ZBTB33: variants seen among roughly 807,000 people sequenced by gnomAD.
ZBTB33 encodes transcriptional regulator Kaiso.
In ZBTB33, 11 loss-of-function variants were observed where a neutral mutation model predicts 25.9. The observed-to-expected ratio is 0.42, with a 90% CI of 0.27 to 0.70. ZBTB33 has a LOEUF of 0.70. ZBTB33 is among the 30% of genes least tolerant of loss of function. ZBTB33 has a pLI of 0.23. For missense variants in ZBTB33, 343 were observed against 501.1 expected (o/e 0.68, Z 3.01); for synonymous variants, 157 against 184.8 (o/e 0.85, Z 1.22).
At position 120,253,611 on chromosome X, in the gene ZBTB33, CA is replaced by C. The variant is rs1283287882; in HGVS notation, c.198del (p.Val67LeufsTer4). The C allele has an allele frequency of 8.3e-7, 1 of 1,210,701 alleles. No individual in the cohort carries two copies. Among genetic ancestry groups the C allele is most frequent in the Non-Finnish European group, 1.1e-6 (1 of 895,395 alleles). On this transcript the variant is annotated frameshift_variant, in exon 3 of 3. Transcript: ENST00000557385. LOFTEE classifies it high-confidence loss of function. ...CCATCAGCTCTTCTCTGTTGCTGGG[CA>C]AGTTGTTGAACTGAGCTTTATAAGA... ...YFHQLFSVAG[Q>X]VVELSFIRAE...
In ZBTB33 at chrX:120,253,973, C is replaced by T. The variant is rs201211344; in HGVS notation, c.558C>T (p.Thr186=). 9.6e-6 allele frequency: 11 copies of T among 1,150,906 alleles called. No individual in the cohort carries two copies. The East Asian group carries it at 1.2e-4, about 13-fold the overall frequency. The allele number at this position is 1,150,906 out of a possible 1,213,427, so 94.8% of individuals were successfully genotyped here. Residue 186 remains threonine, a synonymous_variant, in exon 3 of 3, where the codon ACC becomes ACT. Transcript: ENST00000557385. ...EDYEMKKIIV[T]DSDDDDDDVI... Reference sequence around the variant, plus strand: ...ATGAAATGAAAAAGATCATTGTTACCGATTCTGATGATGATGATGATGATG... The same window carrying T: ...ATGAAATGAAAAAGATCATTGTTACTGATTCTGATGATGATGATGATGATG...
chrX:120,254,140 A>G lies in ZBTB33; in HGVS notation c.725A>G (p.Asn242Ser), dbSNP rs2057619910. The change falls in exon 3 of 3, where the codon AAT becomes AGT. Residue 242 changes from asparagine to serine, a missense_variant. Around this residue, in one of 2 missense-constraint regions of ZBTB33, gnomAD observed 304 missense variants for 410.0 expected, o/e 0.74. Coordinates refer to ENST00000557385, the MANE Select transcript of ZBTB33 (RefSeq NM_001184742.2). ...SASNNSPPLT[N>S]ITPTQKLPTP... ...AGCAATAACTCGCCCCCTTTAACAA[A>G]TATCACACCTACTCAGAAACTTCCT... 1 of 1,211,576 alleles carries G rather than the reference A, an allele frequency of 8.3e-7. No homozygotes were observed. The highest frequency in any genetic ancestry group is 1.7e-5 in the African/African-American group (1 of 57,715).
At chrX:120,253,055 C>T (rs945114086) in intron 2 of ZBTB33, among the ~76,000 whole-genome samples, 1 of 112,122 alleles carries the variant, frequency 8.9e-6, no homozygotes, top group Admixed American at 9.4e-5. Context: ...AAAGTCAACT[C>T]TTACCTCTTC....
intron 1 of ZBTB33, among the ~76,000 whole-genome samples, chrX:120,252,409 C>G (rs1278403653): frequency 1.8e-5 from 2 of 110,498 alleles, no homozygotes; most frequent in Non-Finnish European, 3.8e-5. Flanking sequence ...CTGGAAATAT[C>G]TTCTGCAAAG....
In ZBTB33 at chrX:120,253,834, C is replaced by G. The variant is rs150895316; in HGVS notation, c.419C>G (p.Pro140Arg). The change falls in exon 3 of 3, where the codon CCT becomes CGT. Residue 140 changes from proline to arginine, a missense_variant. By Grantham distance (103) the Pro-to-Arg change is moderately radical. Around this residue, in one of 2 missense-constraint regions of ZBTB33, gnomAD observed 304 missense variants for 410.0 expected, o/e 0.74. Transcript: ENST00000557385. Reference protein sequence around the residue: ...AQDGNTEPLPPDSGDKNLVIQ... With the variant: ...AQDGNTEPLPRDSGDKNLVIQ... The stretch of plus-strand genomic sequence containing the variant: ...GATGGTAATACTGAGCCTTTACCTC[C>G]TGATTCTGGTGACAAGAACCTTGTA... The G allele has an allele frequency of 8.3e-7, 1 of 1,209,379 alleles. No homozygotes were observed. Among genetic ancestry groups the G allele is most frequent in the African/African-American group, 1.8e-5 (1 of 57,001 alleles).
At chrX:120,251,612 C>A (rs1257198021) in intron 1 of ZBTB33, among the ~76,000 whole-genome samples, 1 of 111,845 alleles carries the variant, frequency 8.9e-6, no homozygotes, top group Non-Finnish European at 1.9e-5. Context: ...TCAGCTGCCG[C>A]AGGGAGCCGC....
rs782129320 is a variant in ZBTB33, at chrX:120,253,988, T to G, written c.573T>G (p.Asp191Glu). ...KKIIVTDSDD[D>E]DDDVIFCSEI... ...TCATTGTTACCGATTCTGATGATGA[T>G]GATGATGATGTCATTTTTTGCTCCG... is the stretch of plus-strand genomic sequence containing the variant. The change falls in exon 3 of 3, where the codon GAT (aspartate) becomes GAG (glutamate). Residue 191 changes from aspartate (D) to glutamate (E), a missense_variant. By Grantham distance (45) the Asp-to-Glu change is conservative. Transcript: ENST00000557385. The G allele has an allele frequency of 8.3e-7, 1 of 1,208,961 alleles. No homozygotes were observed. Among genetic ancestry groups the G allele is most frequent in the South Asian group, 1.8e-5 (1 of 56,631 alleles).
rs782121762 is a variant in ZBTB33, at chrX:120,254,649, G to A, written c.1234G>A (p.Gly412Ser). 3.3e-6 allele frequency: 4 copies of A among 1,209,934 alleles called. No individual in the cohort carries two copies. The African/African-American group carries it at 5.3e-5, about 16-fold the overall frequency. The change falls in exon 3 of 3, where the codon GGT becomes AGT. Residue 412 changes from glycine to serine, a missense_variant. Physicochemically the swap from Gly to Ser is moderately conservative, Grantham distance 56. Transcript: ENST00000557385. ...CGTAGGATCAAAACATCTAATGGAG[G>A]GTCAGAAGATCATTACTTTAGATAC... ...PGVGSKHLME[G>S]QKIITLDTAT...
chrX:120,255,210 T>C lies in ZBTB33; in HGVS notation c.1795T>C (p.Tyr599His), dbSNP rs782275925. The change falls in exon 3 of 3, where the codon TAT becomes CAT. Residue 599 changes from tyrosine to histidine, a missense_variant. Tyr to His is a moderately conservative substitution (Grantham distance 83). Coordinates refer to ENST00000557385, the MANE Select transcript of ZBTB33 (RefSeq NM_001184742.2). ...CRSLQIRQYAYLSDRSSTIPA... is the reference protein window; with the variant it reads ...CRSLQIRQYAHLSDRSSTIPA... ...GTCTTTACAAATCAGACAATATGCA[T>C]ATCTTTCCGATAGATCAAGCACTAT... is the stretch of plus-strand genomic sequence containing the variant. 23 of 1,211,780 alleles carry C rather than the reference T, an allele frequency of 1.9e-5. No individual in the cohort carries two copies. In the South Asian group the frequency reaches 3.9e-4, roughly 20 times the overall value.
Position 120,253,473 on chromosome X carries a change from A to C in ZBTB33, c.58A>C (p.Asn20His). The change falls in exon 3 of 3, where the codon AAC (asparagine) becomes CAC (histidine). Residue 20 changes from asparagine (N) to histidine (H), a missense_variant. Physicochemically the swap from Asn to His is moderately conservative, Grantham distance 68. Around this residue, in one of 2 missense-constraint regions of ZBTB33, gnomAD observed 39 missense variants for 91.1 expected, o/e 0.43. Coordinates refer to ENST00000557385, the MANE Select transcript of ZBTB33 (RefSeq NM_001184742.2). ...CATTCAGTACTCTGGCAGTCTGCTG[A>C]ACTCCTTGAATGAGCAACGTGGCCA... ...TDIQYSGSLL[N>H]SLNEQRGHGL... is the part of the protein sequence containing the mutation. The C allele has an allele frequency of 8.3e-7, 1 of 1,211,893 alleles. No individual in the cohort carries two copies. The highest frequency in any genetic ancestry group is 1.1e-6 in the Non-Finnish European group (1 of 895,558).
Position 120,255,297 on chromosome X carries a change from G to A in ZBTB33, c.1882G>A (p.Gly628Arg), listed in dbSNP as rs1194422478. Residue 628 changes from glycine to arginine, a missense_variant, in exon 3 of 3, where the codon GGG becomes AGG. Gly to Arg is a moderately radical substitution (Grantham distance 125, BLOSUM62 -2). Transcript: ENST00000557385. ...TGACACTGGAAAAGAACCTCCAGTA[G>A]GGACCACTACATCTACTCAGAACAA... ...KVDTGKEPPVGTTTSTQNKPM... is the reference protein window; with the variant it reads ...KVDTGKEPPVRTTTSTQNKPM... The A allele has an allele frequency of 4.5e-5, 54 of 1,209,858 alleles. No homozygotes were observed. The highest frequency in any genetic ancestry group is 5.9e-5 in the Non-Finnish European group (53 of 894,924).
Position 120,254,303 on chromosome X carries a change from T to G in ZBTB33, c.888T>G (p.Ser296=). The G allele has an allele frequency of 8.3e-7, 1 of 1,212,109 alleles. No individual in the cohort carries two copies. Among genetic ancestry groups the G allele is most frequent in the Non-Finnish European group, 1.1e-6 (1 of 895,634 alleles). Residue 296 remains serine (S), a synonymous_variant, in exon 3 of 3, where the codon TCT becomes TCG. Coordinates refer to ENST00000557385, the MANE Select transcript of ZBTB33 (RefSeq NM_001184742.2). ...TTTCTACACCACCAAATGTCAGTTCTTCACTTCCAAATCATATGCCCTCTT... is the reference window on the plus strand; with the variant it reads ...TTTCTACACCACCAAATGTCAGTTCGTCACTTCCAAATCATATGCCCTCTT... The part of the protein sequence containing the change: ...TPLSTPPNVS[S]SLPNHMPSSI...
In ZBTB33 at chrX:120,255,306, A is replaced by G. The variant is rs782535735; in HGVS notation, c.1891A>G (p.Thr631Ala). 12 of 1,211,774 alleles carry G rather than the reference A, an allele frequency of 9.9e-6. No homozygotes were observed. Among genetic ancestry groups the G allele is most frequent in the African/African-American group, 1.7e-5 (1 of 57,885 alleles). Reference protein sequence around the residue: ...TGKEPPVGTTTSTQNKPMTWE... With the variant: ...TGKEPPVGTTASTQNKPMTWE... ...AAAAGAACCTCCAGTAGGGACCACT[A>G]CATCTACTCAGAACAAGCCAATGAC... The change falls in exon 3 of 3, where the codon ACA becomes GCA. Residue 631 changes from threonine (T) to alanine (A), a missense_variant. This residue lies in a region of ZBTB33 where 304 missense variants were observed against 410.0 expected (regional missense o/e 0.74). Coordinates refer to ENST00000557385, the MANE Select transcript of ZBTB33 (RefSeq NM_001184742.2).
chrX:120,254,664 ACTTT>A lies in ZBTB33; in HGVS notation c.1250_1253del (p.Thr417LysfsTer27). 1 of 1,212,162 alleles carries A rather than the reference ACTTT, an allele frequency of 8.2e-7. No homozygotes were observed. The highest frequency in any genetic ancestry group is 1.7e-5 in the African/African-American group (1 of 57,886). On this transcript the variant is annotated frameshift_variant, in exon 3 of 3. Transcript: ENST00000557385. LOFTEE classifies it high-confidence loss of function. The stretch of plus-strand genomic sequence containing the variant: ...TCTAATGGAGGGTCAGAAGATCATT[ACTTT>A]AGATACAGCTACTGAAATTGAAGGC...
In ZBTB33 at chrX:120,254,923, A is replaced by T; in HGVS notation, c.1508A>T (p.Tyr503Phe). 8.2e-7 allele frequency: 1 copy of T among 1,212,191 alleles called. No individual in the cohort carries two copies. The change falls in exon 3 of 3, where the codon TAT becomes TTT. Residue 503 changes from tyrosine (Y) to phenylalanine (F), a missense_variant. By Grantham distance (22) the Tyr-to-Phe change is conservative (BLOSUM62 3). Coordinates refer to ENST00000557385, the MANE Select transcript of ZBTB33 (RefSeq NM_001184742.2). ...YYICIVCKRS[Y>F]VCLTSLRRHF... is the part of the protein sequence containing the mutation. ...ATCTGTATTGTATGCAAAAGGTCAT[A>T]TGTCTGTCTGACAAGCTTGCGGAGA... is the stretch of plus-strand genomic sequence containing the variant.
In ZBTB33 at chrX:120,254,437, C is replaced by T; in HGVS notation, c.1022C>T (p.Thr341Ile). 8.3e-7 allele frequency: 1 copy of T among 1,211,471 alleles called. No homozygotes were observed. The highest frequency in any genetic ancestry group is 2.2e-5 in the Admixed American group (1 of 45,997). The change falls in exon 3 of 3, where the codon ACT becomes ATT. Residue 341 changes from threonine to isoleucine, a missense_variant. Physicochemically the swap from Thr to Ile is moderately conservative, Grantham distance 89 (BLOSUM62 -1). Transcript: ENST00000557385. ...EEEIIDDDDD[T>I]ISSSPDSAVS... The stretch of plus-strand genomic sequence containing the variant: ...GAAATAATAGATGATGATGATGACA[C>T]TATTAGCTCCAGTCCTGACTCGGCC...
chrX:120,257,750 T>C lies in ZBTB33; in HGVS notation c.*2316T>C, dbSNP rs781784067. ...TTCAGAATTCATGTGAAATACTTCTTTGGGGCAAAAGTCCTTCATTCCTGG... is the reference window on the plus strand; with the variant it reads ...TTCAGAATTCATGTGAAATACTTCTCTGGGGCAAAAGTCCTTCATTCCTGG... On this transcript the variant is annotated 3_prime_UTR_variant, in exon 3 of 3. Transcript: ENST00000557385. The C allele has an allele frequency of 3.4e-4, 42 of 123,312 alleles. No individual in the cohort carries two copies. Among genetic ancestry groups the C allele is most frequent in the African/African-American group, 1.3e-3 (39 of 30,922 alleles). 10.2% of individuals were successfully genotyped at this position (123,312 alleles called of 1,213,427 possible).
rs377552387 is a variant in ZBTB33 at position 120,254,602 on chromosome X, C to G, written c.1187C>G (p.Thr396Ser). ...TCCTTAAAAATTTCAGATATAATTA[C>G]TAGAAATACTAATGATCCAGGCGTA... ...SNSLKISDII[T>S]RNTNDPGVGS... The change falls in exon 3 of 3, where the codon ACT (threonine) becomes AGT (serine). Residue 396 changes from threonine (T) to serine (S), a missense_variant. By Grantham distance (58) the Thr-to-Ser change is moderately conservative. This residue lies in a region of ZBTB33 where 304 missense variants were observed against 410.0 expected (regional missense o/e 0.74). Coordinates refer to ENST00000557385, the MANE Select transcript of ZBTB33 (RefSeq NM_001184742.2). 5.8e-6 allele frequency: 7 copies of G among 1,209,749 alleles called. No homozygotes were observed. Among genetic ancestry groups the G allele is most frequent in the African/African-American group, 3.5e-5 (2 of 57,179 alleles).
Position 120,253,710 on chromosome X carries a change from G to A in ZBTB33, c.295G>A (p.Asp99Asn). The change falls in exon 3 of 3, where the codon GAT becomes AAT. Residue 99 changes from aspartate (D) to asparagine (N), a missense_variant. Transcript: ENST00000557385. ...KIVRVRSDLL[D>N]ELIKSGQLLG... ...TGTTCGTGTTAGATCAGATTTGCTT[G>A]ATGAGTTAATTAAATCAGGGCAGTT... 1 of 1,211,712 alleles carries A rather than the reference G, an allele frequency of 8.3e-7. No homozygotes were observed. Among genetic ancestry groups the A allele is most frequent in the Non-Finnish European group, 1.1e-6 (1 of 895,495 alleles).
Sources: gnomAD v4.1 joint callset for allele counts (sites outside exome capture counted in the v4.1 genomes callset) on GRCh38, gnomAD v4.1.1 for gene constraint, gnomAD v4.1.1 regional missense constraint, MANE v1.5 for transcripts, NCBI Gene and HGNC (gene_info 2026-07-23, HGNC 2026-07-21) for gene names.